ANKS6: variants seen among roughly 807,000 people sequenced by gnomAD.
ANKS6 encodes the protein ankyrin repeat and SAM domain-containing protein 6.
In ANKS6, 47 loss-of-function variants were observed where a neutral mutation model predicts 77.9. The observed-to-expected ratio is 0.60, with a 90% CI of 0.48 to 0.77. The LOEUF (loss-of-function observed/expected upper bound fraction) is 0.77. Ranked by LOEUF, ANKS6 falls within the 30% of genes least tolerant of loss-of-function variation. ANKS6 has a pLI of 0.00. For synonymous variants in ANKS6, 488 were observed against 501.7 expected (o/e 0.97, Z 0.37); for missense variants, 1,150 against 1,159.1 (o/e 0.99, Z 0.11).
chr9:98,784,505 A>G (rs984168778), intron 3 of ANKS6: 1 of 409,908 alleles, frequency 2.4e-6, no homozygotes, highest in African/African-American at 2.0e-5. Flanking sequence ...CAGGGTCTAT[A>G]TCAAGAGAGA....
At chr9:98,782,614 G>A (rs1470455260) in intron 4 of ANKS6, 41 bp from the exon 5 acceptor site, 1 of 1,495,132 alleles carries the variant, frequency 6.7e-7, no homozygotes, top group East Asian at 2.3e-5. Context: ...GAAAGCAAAG[G>A]CATGGCTTTG....
In ANKS6 at chr9:98,751,209, C is replaced by A. The variant is rs551570282; in HGVS notation, c.2327-113G>T. 1.4e-5 allele frequency: 12 copies of A among 867,748 alleles called. No homozygotes were observed. The Admixed American group carries it at 3.3e-4, about 24-fold the overall frequency. The allele number at this position is 867,748 out of a possible 1,614,324, so 53.8% of individuals were successfully genotyped here. Reference sequence around the variant, plus strand: ...ATTTCAAATGAAATTCTATAAGAAACACCAACACAGAAAGCTGATCTCAGC... The same window carrying A: ...ATTTCAAATGAAATTCTATAAGAAAAACCAACACAGAAAGCTGATCTCAGC... On this transcript the variant is annotated intron_variant, in intron 12 of 14. Coordinates refer to ENST00000353234, the MANE Select transcript of ANKS6 (RefSeq NM_173551.5).
In ANKS6 at chr9:98,790,453, G is replaced by A. The variant is rs773408089; in HGVS notation, c.513C>T (p.Asp171=). 4 of 1,613,674 alleles carry A rather than the reference G, an allele frequency of 2.5e-6. No individual in the cohort carries two copies. The highest frequency in any genetic ancestry group is 1.1e-5 in the South Asian group (1 of 91,080). ...GTTGCTCGCCTGAAGGGTGGTGATG[G>A]TCCACAAAGGCACCGGCTTCCAGGA... ...KLLLEAGAFV[D]HHHPSGEQLG... The change falls in exon 2 of 15, where the codon GAC becomes GAT. Residue 171 remains aspartate, a synonymous_variant. Coordinates refer to ENST00000353234, the MANE Select transcript of ANKS6 (RefSeq NM_173551.5).
At chr9:98,755,748 T>C (rs1832666692) in intron 12 of ANKS6, among the ~76,000 whole-genome samples, 1 of 152,176 alleles carries the variant, frequency 6.6e-6, no homozygotes, top group Non-Finnish European at 1.5e-5. Context: ...GCATGGCCAA[T>C]CACCACATTC....
intron 4 of ANKS6, 52 bp from the exon 5 acceptor site, chr9:98,782,625 C>T (rs1370209601): frequency 6.8e-7 from 1 of 1,477,252 alleles, no homozygotes; most frequent in Admixed American, 1.7e-5. Context: ...CATGGCTTTG[C>T]TCCTGGGCAA....
chr9:98,751,140 T>C, intron 12 of ANKS6, 44 bp from the exon 13 acceptor site: 2 of 1,509,098 alleles, frequency 1.3e-6, no homozygotes, highest in Non-Finnish European at 1.8e-6. Context: ...ATTTTAGAAT[T>C]TGGTAAAGTG....
chr9:98,734,846 G>GT lies in ANKS6; in HGVS notation c.*1672dup, dbSNP rs1262770122. The GT allele has an allele frequency of 9.1e-6, 9 of 985,360 alleles. No individual in the cohort carries two copies. The highest frequency in any genetic ancestry group is 1.1e-5 in the Non-Finnish European group (9 of 829,944). The allele number at this position is 985,360 out of a possible 1,614,324, so 61.0% of individuals were successfully genotyped here. ...GTAACCTTTGTAAAGGTGTCTATCAGTAACAGCTAAATGAAACACTTTGTC... is the reference window on the plus strand; with the variant it reads ...GTAACCTTTGTAAAGGTGTCTATCAGTTAACAGCTAAATGAAACACTTTGTC... On this transcript the variant is annotated 3_prime_UTR_variant, in exon 15 of 15. Transcript: ENST00000353234.
intron 7 of ANKS6, among the ~76,000 whole-genome samples, chr9:98,777,893 T>C (rs1368218028): frequency 3.3e-5 from 5 of 152,230 alleles, no homozygotes; most frequent in African/African-American, 1.2e-4. Flanking sequence ...TATTTCAAGA[T>C]GCTTTCAGTG....
Position 98,733,884 on chromosome 9 carries a change from T to C in ANKS6, c.*2635A>G. On this transcript the variant is annotated 3_prime_UTR_variant, in exon 15 of 15. Coordinates refer to ENST00000353234, the MANE Select transcript of ANKS6 (RefSeq NM_173551.5). Reference sequence around the variant, plus strand: ...TGTGGAACTAGGGTTCCCAGGAGCATACTTTTGGGAAATGCTGGTGAAGGT... The same window carrying C: ...TGTGGAACTAGGGTTCCCAGGAGCACACTTTTGGGAAATGCTGGTGAAGGT... 3 of 985,428 alleles carry C rather than the reference T, an allele frequency of 3.0e-6. No individual in the cohort carries two copies. The highest frequency in any genetic ancestry group is 3.6e-6 in the Non-Finnish European group (3 of 829,946). The allele number at this position is 985,428 out of a possible 1,614,324, so 61.0% of individuals were successfully genotyped here.
At position 98,784,442 on chromosome 9, in the gene ANKS6, A is replaced by C. The variant is rs1834455550; in HGVS notation, c.908-285T>G. On this transcript the variant is annotated intron_variant, in intron 3 of 14. Coordinates refer to ENST00000353234, the MANE Select transcript of ANKS6 (RefSeq NM_173551.5). ...GATGAAGGAGACAGAAGAAGACAGA[A>C]GGAGAGTTCAGGTCTCGCTGCGGGG... 1.4e-5 allele frequency: 4 copies of C among 288,390 alleles called. No individual in the cohort carries two copies. The South Asian group carries it at 3.4e-4, about 24-fold the overall frequency. The allele number at this position is 288,390 out of a possible 1,614,324, so 17.9% of individuals were successfully genotyped here.
intron 11 of ANKS6, among the ~76,000 whole-genome samples, chr9:98,759,400 T>G (rs938098303): frequency 6.6e-6 from 1 of 152,244 alleles, no homozygotes; most frequent in Admixed American, 6.5e-5. Flanking sequence ...GGACACCAGC[T>G]AAGTATCCTC....
rs1302798000 is a variant in ANKS6 at position 98,761,542 on chromosome 9, G to A, written c.2143-4939C>T. Among the ~76,000 whole-genome samples, 5 of 152,160 alleles carry A rather than the reference G, an allele frequency of 3.3e-5. No homozygotes were observed. The East Asian group carries it at 9.6e-4, about 29-fold the overall frequency. ...GTATCTTTTACCAGGCAAAAGATTT[G>A]AGTTCTGATTAAGTCCAAATTTGCC... On this transcript the variant is annotated intron_variant, in intron 11 of 14. Coordinates refer to ENST00000353234, the MANE Select transcript of ANKS6 (RefSeq NM_173551.5).
At chr9:98,762,556 T>C (rs1390811112) in intron 11 of ANKS6, among the ~76,000 whole-genome samples, 1 of 152,140 alleles carries the variant, frequency 6.6e-6, no homozygotes, top group Non-Finnish European at 1.5e-5. Context: ...ATGTGTTTTA[T>C]GTCAGATTCA....
At chr9:98,767,558 T>C (rs983731911) in intron 11 of ANKS6, among the ~76,000 whole-genome samples, 1 of 152,214 alleles carries the variant, frequency 6.6e-6, no homozygotes, top group African/African-American at 2.4e-5. Context: ...ATCCTTACTG[T>C]TAGCTGTGCC....
intron 14 of ANKS6, among the ~76,000 whole-genome samples, chr9:98,742,622 GTGTGGAAC>G (rs964583986): frequency 1.3e-5 from 2 of 152,120 alleles, no homozygotes; most frequent in African/African-American, 4.8e-5. Flanking sequence ...ACCTATTACT[GTGTGGAAC>G]TGCCTGACTT....
chr9:98,773,830 C>T, intron 9 of ANKS6, 47 bp downstream of exon 9: 1 of 1,442,562 alleles, frequency 6.9e-7, no homozygotes, highest in Non-Finnish European at 9.1e-7. Flanking sequence ...ACCATGATCT[C>T]AGTGAGCAGT....
At chr9:98,783,819 C>A in intron 4 of ANKS6, 134 bp downstream of exon 4, 1,250 of 552,282 alleles carry the variant, frequency 2.3e-3, no homozygotes, top group Middle Eastern at 4.9e-3. Flanking sequence ...TTTTTTTTTT[C>A]CATGCCTCAA....
At chr9:98,796,108 G>A (rs1367186801) in intron 1 of ANKS6, 25 bp downstream of exon 1, 5 of 1,321,356 alleles carry the variant, frequency 3.8e-6, no homozygotes, top group Admixed American at 3.8e-5. Context: ...CTCTGGTCCC[G>A]GGCCCCCGGG....
rs925693657 is a variant in ANKS6 at position 98,734,354 on chromosome 9, G to A, written c.*2165C>T. The A allele has an allele frequency of 4.1e-6, 4 of 985,420 alleles. No individual in the cohort carries two copies. In the South Asian group the frequency reaches 1.9e-4, roughly 46 times the overall value. 61.0% of individuals were successfully genotyped at this position (985,420 alleles called of 1,614,324 possible). A position where few individuals can be genotyped will look rare whatever the true frequency, so the allele number is the denominator to read the frequency against. On this transcript the variant is annotated 3_prime_UTR_variant, in exon 15 of 15. Coordinates refer to ENST00000353234, the MANE Select transcript of ANKS6 (RefSeq NM_173551.5). ...AAAGGTGACCCCCCGGTGCAGCTGT[G>A]TATCATTGTTCAATCAAACTTACCT...
Sources: gnomAD v4.1 joint callset for allele counts (sites outside exome capture counted in the v4.1 genomes callset) on GRCh38, gnomAD v4.1.1 for gene constraint, MANE v1.5 for transcripts, NCBI Gene and HGNC (gene_info 2026-07-23, HGNC 2026-07-21) for gene names.